The following LRIT3 variants were observed in gnomAD, a reference collection of about 807,000 sequenced individuals.
LRIT3 encodes the protein leucine rich repeat, Ig-like and transmembrane domains 3, also known as leucine-rich repeat, immunoglobulin-like domain and transmembrane domain-containing protein 3.
LRIT3 carries 14 observed loss-of-function variants against 22.6 expected under a neutral mutation model. The ratio of observed to expected loss-of-function variants is 0.62; its 90% CI spans 0.41 to 0.97. The LOEUF (loss-of-function observed/expected upper bound fraction) is 0.97. LRIT3 is among the 50% of genes least tolerant of loss of function. The pLI is 0.00. For missense variants in LRIT3, 783 were observed against 803.0 expected (o/e 0.98, Z 0.30); for synonymous variants, 306 against 304.5 (o/e 1.01, Z -0.05).
At chr4:109,860,355 A>C (rs537215285) in intron 2 of LRIT3, among the ~76,000 whole-genome samples, 303 of 152,270 alleles carry the variant, frequency 2.0e-3, no homozygotes, top group Non-Finnish European at 3.4e-3. Flanking sequence ...GTGTTAATTT[A>C]GTTCAAAAAA....
chr4:109,860,748 GGTT>G (rs1242788612), intron 2 of LRIT3, among the ~76,000 whole-genome samples: 1 of 152,190 alleles, frequency 6.6e-6, no homozygotes, highest in Non-Finnish European at 1.5e-5. Context: ...CATCACTATA[GGTT>G]AATTGTGCCT....
intron 2 of LRIT3, among the ~76,000 whole-genome samples, chr4:109,856,421 C>T (rs773122702): frequency 1.6e-4 from 24 of 152,006 alleles, no homozygotes; most frequent in Non-Finnish European, 1.9e-4. Flanking sequence ...ACAAAATTAC[C>T]GATAGTGGAT....
At position 109,869,851 on chromosome 4, in the gene LRIT3, G is replaced by A; in HGVS notation, c.1102G>A (p.Asp368Asn). 3 of 1,614,020 alleles carry A rather than the reference G, an allele frequency of 1.9e-6. No individual in the cohort carries two copies. Among genetic ancestry groups the A allele is most frequent in the Non-Finnish European group, 2.5e-6 (3 of 1,179,994 alleles). ...AAGAACTGGAGATCATCCTGAGTGG[G>A]ATGTCCAGCCGGGATCTGGAAGATC... Reference protein sequence around the residue: ...SERTGDHPEWDVQPGSGRSTS... With the variant: ...SERTGDHPEWNVQPGSGRSTS... Residue 368 changes from aspartate to asparagine, a missense_variant, in exon 4 of 4, where the codon GAT (aspartate) becomes AAT (asparagine). Asp to Asn is a conservative substitution (Grantham distance 23). This residue lies in a region of LRIT3 where 756 missense variants were observed against 753.8 expected (regional missense o/e 1.00). Transcript: ENST00000594814.
chr4:109,865,317 A>G (rs775071890), intron 2 of LRIT3: 1 of 1,601,342 alleles, frequency 6.2e-7, no homozygotes, highest in Non-Finnish European at 8.5e-7. Flanking sequence ...TTTCTCTTTC[A>G]TATATTTAAA....
chr4:109,867,867 A>C lies in LRIT3; in HGVS notation c.816A>C (p.Leu272=). The C allele has an allele frequency of 6.2e-7, 1 of 1,614,086 alleles. No individual in the cohort carries two copies. Among genetic ancestry groups the C allele is most frequent in the Non-Finnish European group, 8.5e-7 (1 of 1,180,020 alleles). Residue 272 remains leucine, a synonymous_variant, in exon 3 of 4, where the codon CTA becomes CTC. Coordinates refer to ENST00000594814, the MANE Select transcript of LRIT3 (RefSeq NM_198506.5). Reference sequence around the variant, plus strand: ...TGTCTGCTCTGGGCAGTAATGTTCTACTGCGGTGTGATGCCACTGGCTTCC... The same window carrying C: ...TGTCTGCTCTGGGCAGTAATGTTCTCCTGCGGTGTGATGCCACTGGCTTCC... ...KIMSALGSNV[L]LRCDATGFPT... is the part of the protein sequence containing the mutation.
rs1560595841 is a variant in LRIT3 at position 109,869,798 on chromosome 4, C to G, written c.1049C>G (p.Thr350Arg). 2 of 1,613,968 alleles carry G rather than the reference C, an allele frequency of 1.2e-6. No homozygotes were observed. Among genetic ancestry groups the G allele is most frequent in the Non-Finnish European group, 1.7e-6 (2 of 1,179,826 alleles). Residue 350 changes from threonine to arginine, a missense_variant, in exon 4 of 4, where the codon ACA becomes AGA. Thr to Arg is a moderately conservative substitution (Grantham distance 71). This residue lies in a region of LRIT3 where 756 missense variants were observed against 753.8 expected (regional missense o/e 1.00). Coordinates refer to ENST00000594814, the MANE Select transcript of LRIT3 (RefSeq NM_198506.5). The part of the protein sequence containing the change: ...VVTVTVLGIT[T>R]TPIPPDTSER... ...ACTGTGACAGTGCTTGGCATTACCACAACTCCAATACCACCAGACACTTCT... is the reference window on the plus strand; with the variant it reads ...ACTGTGACAGTGCTTGGCATTACCAGAACTCCAATACCACCAGACACTTCT...
At chr4:109,866,172 A>T (rs1734675447) in intron 2 of LRIT3, among the ~76,000 whole-genome samples, 1 of 152,168 alleles carries the variant, frequency 6.6e-6, no homozygotes, top group South Asian at 2.1e-4. Context: ...TTATGAACTA[A>T]CAGTTACATT....
intron 2 of LRIT3, among the ~76,000 whole-genome samples, chr4:109,852,254 G>A (rs958422224): frequency 1.3e-5 from 2 of 152,156 alleles, no homozygotes; most frequent in African/African-American, 4.8e-5. Context: ...CTCTTAAAGA[G>A]CATCCAGCTG....
At position 109,870,827 on chromosome 4, in the gene LRIT3, G is replaced by A; in HGVS notation, c.*38G>A. The A allele has an allele frequency of 6.5e-7, 1 of 1,529,946 alleles. No homozygotes were observed. The highest frequency in any genetic ancestry group is 8.8e-7 in the Non-Finnish European group (1 of 1,139,348). 94.8% of individuals were successfully genotyped at this position (1,529,946 alleles called of 1,614,324 possible). A position where few individuals can be genotyped will look rare whatever the true frequency, so the allele number is the denominator to read the frequency against. On this transcript the variant is annotated 3_prime_UTR_variant, in exon 4 of 4. Coordinates refer to ENST00000594814, the MANE Select transcript of LRIT3 (RefSeq NM_198506.5). ...CAGGTGCATGTGAGCTACAAAACTAGCATCTAAGGGTATAATTGACCCTAG... is the reference window on the plus strand; with the variant it reads ...CAGGTGCATGTGAGCTACAAAACTAACATCTAAGGGTATAATTGACCCTAG...
chr4:109,867,517 C>A, intron 2 of LRIT3, 124 bp from the exon 3 acceptor site: 1 of 847,856 alleles, frequency 1.2e-6, no homozygotes, highest in Non-Finnish European at 1.8e-6. Flanking sequence ...GGTGACTCTG[C>A]TTCATCCCTC....
chr4:109,848,350 A>C, intron 1 of LRIT3, 33 bp downstream of exon 1: 1 of 1,161,576 alleles, frequency 8.6e-7, no homozygotes, highest in Non-Finnish European at 1.1e-6. Context: ...AAGTGTTCTC[A>C]TTATTTTGAC....
intron 1 of LRIT3, among the ~76,000 whole-genome samples, chr4:109,849,448 C>A (rs903618912): frequency 1.3e-5 from 2 of 152,148 alleles, no homozygotes; most frequent in African/African-American, 4.8e-5. Context: ...TCTAGTTCAA[C>A]CCCTTGTCAG....
In LRIT3 at chr4:109,853,990, C is replaced by T. The variant is rs552365668; in HGVS notation, c.589+2014C>T. ...ACTGTGCTGTTTTGGTTACTGTAGC[C>T]TTGTAGTATATTTTGAAGTCAGGTA... On this transcript the variant is annotated intron_variant, in intron 2 of 3. Coordinates refer to ENST00000594814, the MANE Select transcript of LRIT3 (RefSeq NM_198506.5). 3.2e-4 allele frequency among the ~76,000 whole-genome samples: 49 copies of T among 152,120 alleles called. 1 individual carries two copies. The South Asian group carries it at 8.7e-3, about 27-fold the overall frequency.
Position 109,872,217 on chromosome 4 carries a change from T to C in LRIT3, c.*1428T>C, listed in dbSNP as rs890534938. ...CTCAAATAGAAGCTCTCCTAGTCAG[T>C]TGGTCATCTGACCTCTGACTATATC... On this transcript the variant is annotated 3_prime_UTR_variant, in exon 4 of 4. Transcript: ENST00000594814. 1.3e-5 allele frequency: 2 copies of C among 152,266 alleles called. No homozygotes were observed. Among genetic ancestry groups the C allele is most frequent in the East Asian group, 1.9e-4 (1 of 5,204 alleles). The allele number at this position is 152,266 out of a possible 1,614,324, so 9.4% of individuals were successfully genotyped here.
intron 2 of LRIT3, among the ~76,000 whole-genome samples, chr4:109,859,662 A>G (rs1031919528): frequency 6.6e-6 from 1 of 152,184 alleles, no homozygotes; most frequent in African/African-American, 2.4e-5. Context: ...CACCTCATGC[A>G]TCCGTTTATA....
intron 1 of LRIT3, among the ~76,000 whole-genome samples, chr4:109,849,226 C>T (rs2125896177): frequency 6.6e-6 from 1 of 152,194 alleles, no homozygotes; most frequent in East Asian, 1.9e-4. Flanking sequence ...TTAACCAATT[C>T]TTGGTATTTT....
chr4:109,848,903 C>T (rs1173241028), intron 1 of LRIT3, among the ~76,000 whole-genome samples: 1 of 152,216 alleles, frequency 6.6e-6, no homozygotes, highest in Non-Finnish European at 1.5e-5. Context: ...TATTCAATCT[C>T]TAGGTTGCTT....
Position 109,870,109 on chromosome 4 carries a change from G to A in LRIT3, c.1360G>A (p.Val454Met). The change falls in exon 4 of 4, where the codon GTG becomes ATG. Residue 454 changes from valine (V) to methionine (M), a missense_variant. Val to Met is a conservative substitution (Grantham distance 21). Transcript: ENST00000594814. Reference sequence around the variant, plus strand: ...CCAAGGTGGGAAAAGAAATTTAAAGGTGGCAAAGAATGGAAGTAAGCTTCC... The same window carrying A: ...CCAAGGTGGGAAAAGAAATTTAAAGATGGCAAAGAATGGAAGTAAGCTTCC... The part of the protein sequence containing the change: ...LHQGGKRNLK[V>M]AKNGSKLPPA... 1.2e-6 allele frequency: 2 copies of A among 1,614,172 alleles called. No individual in the cohort carries two copies. Among genetic ancestry groups the A allele is most frequent in the Non-Finnish European group, 1.7e-6 (2 of 1,180,022 alleles).
chr4:109,865,029 C>A, intron 2 of LRIT3: 2 of 1,387,910 alleles, frequency 1.4e-6, no homozygotes, highest in Non-Finnish European at 9.4e-7. Context: ...TATTCTTCTG[C>A]TTTTTACTGA....
Sources: gnomAD v4.1 joint callset for allele counts (sites outside exome capture counted in the v4.1 genomes callset) on GRCh38, gnomAD v4.1.1 for gene constraint, gnomAD v4.1.1 regional missense constraint, MANE v1.5 for transcripts, NCBI Gene and HGNC (gene_info 2026-07-23, HGNC 2026-07-21) for gene names.